UBE2K: variants seen among roughly 807,000 people sequenced by gnomAD.
UBE2K encodes the protein ubiquitin-conjugating enzyme E2 K.
UBE2K carries 6 observed loss-of-function variants against 30.0 expected under a neutral mutation model. That is an observed-to-expected ratio of 0.20 (90% CI 0.11 to 0.39). The LOEUF (loss-of-function observed/expected upper bound fraction) is 0.39. Ranked by LOEUF, UBE2K falls within the 10% of genes least tolerant of loss-of-function variation. UBE2K has a pLI of 1.00. For missense variants in UBE2K, 61 were observed against 241.6 expected, an observed-to-expected ratio of 0.25 and a Z score of 4.96; for synonymous variants, 86 against 83.7, an observed-to-expected ratio of 1.03 and a Z score of -0.15.
intron 1 of UBE2K, among the ~76,000 whole-genome samples, chr4:39,704,821 C>G (rs894651664): frequency 6.6e-6 from 1 of 150,650 alleles, no homozygotes; most frequent in Admixed American, 6.6e-5. Flanking sequence ...GGATTACAGA[C>G]GTGAGCCACC....
chr4:39,779,452 T>C lies in UBE2K; in HGVS notation c.*1018T>C, dbSNP rs1296588995. ...TTTATTGGATACTTCAAGTCATTCT[T>C]GCTTGCACTTCCCCTATTGACACAT... On this transcript the variant is annotated 3_prime_UTR_variant, in exon 7 of 7. Coordinates refer to ENST00000261427, the MANE Select transcript of UBE2K (RefSeq NM_005339.5). The C allele has an allele frequency of 5.2e-5, 8 of 152,644 alleles. No homozygotes were observed. The East Asian group carries it at 1.3e-3, about 26-fold the overall frequency. The allele number at this position is 152,644 out of a possible 1,614,324, so 9.5% of individuals were successfully genotyped here.
At chr4:39,754,098 A>G (rs893961250) in intron 3 of UBE2K, among the ~76,000 whole-genome samples, 6 of 152,206 alleles carry the variant, frequency 3.9e-5, no homozygotes, top group Admixed American at 1.3e-4. Flanking sequence ...TTAAAGCAGC[A>G]TAGTGATGCA....
At chr4:39,753,872 G>A (rs931352535) in intron 3 of UBE2K, among the ~76,000 whole-genome samples, 79 of 152,150 alleles carry the variant, frequency 5.2e-4, no homozygotes, top group African/African-American at 1.6e-3. Flanking sequence ...TCTAATCCCA[G>A]CACTTAGGGA....
At chr4:39,736,509 A>C (rs945374886) in intron 1 of UBE2K, among the ~76,000 whole-genome samples, 1 of 152,216 alleles carries the variant, frequency 6.6e-6, no homozygotes, top group African/African-American at 2.4e-5. Context: ...TGGTTTAAAA[A>C]ATCGAGAGGA....
intron 4 of UBE2K, among the ~76,000 whole-genome samples, chr4:39,760,196 A>AAAAAAAAAAAAAAAAAAAAAAAAAG (rs1711827460): frequency 1.3e-4 from 1 of 7,916 alleles, no homozygotes; most frequent in Non-Finnish European, 2.5e-4. Context: ...AAAAAAACAG[A>AAAAAAAAAAAAAAAAAAAAAAAAAG]AAAAAAAAAA....
In UBE2K at chr4:39,728,831, T is replaced by TG. The variant is rs1553876218; in HGVS notation, c.64-8589_64-8588insG. Among the ~76,000 whole-genome samples the TG allele has an allele frequency of 2.7e-5, 4 of 150,392 alleles. 1 individual carries two copies. In the East Asian group the frequency reaches 5.9e-4, roughly 22 times the overall value. ...TAGGTTTTTTTTGTTTTTTTTGTTTTTTTTTTTTTGTATTTTTAGTAGAGA... is the reference window on the plus strand; with the variant it reads ...TAGGTTTTTTTTGTTTTTTTTGTTTTGTTTTTTTTTGTATTTTTAGTAGAGA... On this transcript the variant is annotated intron_variant, in intron 1 of 6. Transcript: ENST00000261427.
In UBE2K at chr4:39,769,546, C is replaced by T. The variant is rs556481747; in HGVS notation, c.300-5288C>T. Among the ~76,000 whole-genome samples, 11 of 151,974 alleles carry T rather than the reference C, an allele frequency of 7.2e-5. No homozygotes were observed. The South Asian group carries it at 1.7e-3, about 23-fold the overall frequency. On this transcript the variant is annotated intron_variant, in intron 4 of 6. Transcript: ENST00000261427. ...AAGCCTCATACTTGCAGTCTCATTT[C>T]GCCAGCATGCAAGAACTGTCTCCCC...
intron 1 of UBE2K, among the ~76,000 whole-genome samples, chr4:39,727,746 A>G (rs928058333): frequency 2.0e-5 from 3 of 152,118 alleles, no homozygotes; most frequent in African/African-American, 7.2e-5. Flanking sequence ...GAGTAAGTGT[A>G]TAATAAAAAC....
At chr4:39,774,297 C>T (rs1713141850) in intron 4 of UBE2K, among the ~76,000 whole-genome samples, 1 of 151,380 alleles carries the variant, frequency 6.6e-6, no homozygotes, top group South Asian at 2.1e-4. Flanking sequence ...CAGAGCAAGA[C>T]ACTGTCATTA....
intron 1 of UBE2K, among the ~76,000 whole-genome samples, chr4:39,720,973 C>A (rs548679729): frequency 6.6e-6 from 1 of 152,288 alleles, no homozygotes; most frequent in African/African-American, 2.4e-5. Context: ...TCTTGAACTC[C>A]TGGCCTCAAG....
intron 2 of UBE2K, among the ~76,000 whole-genome samples, chr4:39,740,780 G>GCACT (rs1467939036): frequency 6.8e-6 from 1 of 146,178 alleles, no homozygotes; most frequent in Non-Finnish European, 1.5e-5. Flanking sequence ...GGAGAATGGT[G>GCACT]TGAACCCGGG....
At chr4:39,771,849 G>T (rs1174339371) in intron 4 of UBE2K, among the ~76,000 whole-genome samples, 1 of 152,108 alleles carries the variant, frequency 6.6e-6, no homozygotes, top group Non-Finnish European at 1.5e-5. Flanking sequence ...TTGGCTAGGG[G>T]TGGAGGTGTA....
chr4:39,737,167 TAGAAAGTCA>T (rs1329985895), intron 1 of UBE2K, among the ~76,000 whole-genome samples: 1 of 152,206 alleles, frequency 6.6e-6, no homozygotes, highest in African/African-American at 2.4e-5. Flanking sequence ...ATAACATTCC[TAGAAAGTCA>T]AGAAGCCATT....
At chr4:39,742,995 A>G (rs1268983347) in intron 2 of UBE2K, among the ~76,000 whole-genome samples, 1 of 151,966 alleles carries the variant, frequency 6.6e-6, no homozygotes, top group Admixed American at 6.6e-5. Flanking sequence ...GCAGTGAGCC[A>G]AGATTGTGCC....
At chr4:39,744,664 T>C (rs909117554) in intron 2 of UBE2K, among the ~76,000 whole-genome samples, 2 of 150,960 alleles carry the variant, frequency 1.3e-5, no homozygotes, top group Non-Finnish European at 3.0e-5. Flanking sequence ...CCCAGCACTT[T>C]GGGAGGTTGA....
At chr4:39,740,175 A>G (rs1199547041) in intron 2 of UBE2K, among the ~76,000 whole-genome samples, 6 of 151,054 alleles carry the variant, frequency 4.0e-5, no homozygotes. Flanking sequence ...TTATTCTTGA[A>G]TTTTTTTTTA....
chr4:39,704,479 G>A (rs1268427097), intron 1 of UBE2K, among the ~76,000 whole-genome samples: 1 of 152,010 alleles, frequency 6.6e-6, no homozygotes, highest in African/African-American at 2.4e-5. Context: ...GTGTTACAAA[G>A]ACTTTGAGCT....
intron 4 of UBE2K, among the ~76,000 whole-genome samples, chr4:39,772,072 A>G (rs1712918720): frequency 6.6e-6 from 1 of 152,084 alleles, no homozygotes; most frequent in South Asian, 2.1e-4. Context: ...CCTGGCCTCA[A>G]GTGATCTGCC....
At chr4:39,771,025 AC>A (rs1712777207) in intron 4 of UBE2K, 1 of 1,611,946 alleles carries the variant, frequency 6.2e-7, no homozygotes, top group African/African-American at 1.3e-5. Flanking sequence ...AGCCTCACGG[AC>A]CCCATCCTCT....
Sources: allele counts gnomAD v4.1 joint callset (sites outside exome capture counted in the v4.1 genomes callset), GRCh38; gene constraint gnomAD v4.1.1; transcripts MANE v1.5; gene names NCBI Gene and HGNC (gene_info 2026-07-23, HGNC 2026-07-21).